DNA2: variants seen among roughly 807,000 people sequenced by gnomAD.
DNA2 encodes DNA replication helicase/nuclease 2.
A neutral mutation model predicts 119.1 loss-of-function variants in DNA2; 101 were observed. The observed-to-expected ratio is 0.85, with a 90% CI of 0.72 to 1.00. DNA2 has a LOEUF of 1.00. DNA2 is among the 50% of genes least tolerant of loss of function. The pLI, the probability that DNA2 is intolerant of heterozygous loss-of-function variation, is 0.00. For missense variants in DNA2, 1,121 were observed against 1,255.5 expected (o/e 0.89, Z 1.62); for synonymous variants, 366 against 424.4 (o/e 0.86, Z 1.69).
rs1342055331 is a variant in DNA2, at chr10:68,419,109, A to G, written c.2892T>C (p.Asn964=). Residue 964 remains asparagine, a synonymous_variant, in exon 19 of 21, where the codon AAT becomes AAC. Coordinates refer to ENST00000358410, the MANE Select transcript of DNA2 (RefSeq NM_001080449.3). ...CCCTTCCTTGGTATTTGTCTACTGTATTAACTTCGACCATCCCAATAGAAC... is the reference window on the plus strand; with the variant it reads ...CCCTTCCTTGGTATTTGTCTACTGTGTTAACTTCGACCATCCCAATAGAAC... ...LARSIGMVEV[N]TVDKYQGRDK... 1 of 1,613,416 alleles carries G rather than the reference A, an allele frequency of 6.2e-7. No individual in the cohort carries two copies. Among genetic ancestry groups the G allele is most frequent in the Non-Finnish European group, 8.5e-7 (1 of 1,179,678 alleles).
rs1356549833 is a variant in DNA2, at chr10:68,470,108, C to A, written c.130G>T (p.Asp44Tyr). 1 of 1,613,288 alleles carries A rather than the reference C, an allele frequency of 6.2e-7. No homozygotes were observed. The highest frequency in any genetic ancestry group is 8.5e-7 in the Non-Finnish European group (1 of 1,179,788). ...FPRTVLSTGM[D>Y]NRYLVLAVNT... ...ACTGCCAACACCAGGTACCGGTTAT[C>A]CATTCCTGTGCTCAGAACTGTTCTT... Residue 44 changes from aspartate to tyrosine, a missense_variant, in exon 2 of 21, where the codon GAT (aspartate) becomes TAT (tyrosine). Coordinates refer to ENST00000358410, the MANE Select transcript of DNA2 (RefSeq NM_001080449.3).
At chr10:68,453,888 A>G (rs2052151248) in intron 5 of DNA2, among the ~76,000 whole-genome samples, 1 of 152,236 alleles carries the variant, frequency 6.6e-6, no homozygotes, top group African/African-American at 2.4e-5. Context: ...TCATTAAGCT[A>G]GCATGAGTGC....
chr10:68,445,187 G>A (rs1466455567), intron 7 of DNA2, 104 bp from the exon 8 acceptor site: 64 of 1,067,868 alleles, frequency 6.0e-5, no homozygotes, highest in South Asian at 2.0e-4. Flanking sequence ...TTTTAGGGCC[G>A]GGCACAATGG....
chr10:68,442,843 T>C (rs2051987707), intron 9 of DNA2, 74 bp downstream of exon 9: 1 of 1,243,338 alleles, frequency 8.0e-7, no homozygotes, highest in Non-Finnish European at 1.1e-6. Flanking sequence ...CTTGTATTTG[T>C]CATAAATTCC....
rs1231481480 is a variant in DNA2 at position 68,442,543 on chromosome 10, C to T, written c.1415+374G>A. Among the ~76,000 whole-genome samples, 7 of 152,204 alleles carry T rather than the reference C, an allele frequency of 4.6e-5. No homozygotes were observed. In the East Asian group the frequency reaches 1.4e-3, roughly 29 times the overall value. On this transcript the variant is annotated intron_variant, in intron 9 of 20. Transcript: ENST00000358410. ...CTGGGATTACAGGCACCCGCCACCA[C>T]GCCCAGCTAATTTTTGTATTTTTAG...
intron 6 of DNA2, among the ~76,000 whole-genome samples, chr10:68,448,982 T>TTTCTCTCTACAACCTCTGCCTCCCTG (rs2052081896): frequency 2.8e-5 from 4 of 144,354 alleles, no homozygotes; most frequent in Admixed American, 6.7e-5. Flanking sequence ...TGTGTGTGTG[T>TTTCTCTCTACAACCTCTGCCTCCCTG]GTGTAGTAGT....
intron 5 of DNA2, 92 bp downstream of exon 5, chr10:68,459,012 C>A: frequency 8.6e-7 from 1 of 1,156,226 alleles, no homozygotes; most frequent in Non-Finnish European, 1.2e-6. Context: ...ATTGTAATTA[C>A]TCAATCTTTA....
intron 8 of DNA2, 52 bp downstream of exon 8, chr10:68,444,869 T>C (rs2133402255): frequency 7.0e-7 from 1 of 1,428,972 alleles, no homozygotes. Context: ...TAAACGTATT[T>C]AGTTGAGTTC....
At chr10:68,433,661 G>A (rs926927175) in intron 10 of DNA2, among the ~76,000 whole-genome samples, 1 of 152,062 alleles carries the variant, frequency 6.6e-6, no homozygotes, top group Non-Finnish European at 1.5e-5. Context: ...CCCTGAGTAG[G>A]TGGGACTACA....
Position 68,422,570 on chromosome 10 carries a change from G to A in DNA2, c.2437C>T (p.Leu813=). ...ACAACAGCACTCTTATTCTGCTCCA[G>A]CCTCTTGAATAAGCTTTCACTCATG... ...LGMSESLFKR[L]EQNKSAVVQL... The change falls in exon 16 of 21, where the codon CTG becomes TTG. Residue 813 remains leucine (L), a synonymous_variant. Transcript: ENST00000358410. 6.2e-7 allele frequency: 1 copy of A among 1,613,952 alleles called. No individual in the cohort carries two copies. The highest frequency in any genetic ancestry group is 1.1e-5 in the South Asian group (1 of 91,082).
intron 17 of DNA2, 145 bp from the exon 18 acceptor site, chr10:68,420,037 T>C (rs2051644633): frequency 1.5e-6 from 1 of 674,296 alleles, no homozygotes; most frequent in African/African-American, 1.8e-5. Context: ...TCAACAAAAA[T>C]GAATATTAAT....
intron 3 of DNA2, 71 bp from the exon 4 acceptor site, chr10:68,465,883 C>T (rs2052321080): frequency 7.0e-6 from 9 of 1,290,158 alleles, no homozygotes; most frequent in African/African-American, 1.5e-5. Flanking sequence ...ATTACCTAAT[C>T]TATTAAACCA....
chr10:68,432,533 C>T (rs1294637302), intron 10 of DNA2, 23 bp from the exon 11 acceptor site: 1 of 1,276,428 alleles, frequency 7.8e-7, no homozygotes, highest in Non-Finnish European at 1.1e-6. Flanking sequence ...AACAAATATA[C>T]ATGAATGCTC....
chr10:68,458,677 T>A (rs2133430164), intron 5 of DNA2, among the ~76,000 whole-genome samples: 1 of 151,878 alleles, frequency 6.6e-6, no homozygotes, highest in South Asian at 2.1e-4. Context: ...GGTGAAACCC[T>A]GTCTCTACTA....
intron 7 of DNA2, 46 bp from the exon 8 acceptor site, chr10:68,445,129 TATC>T: frequency 2.0e-6 from 3 of 1,515,018 alleles, no homozygotes; most frequent in Non-Finnish European, 2.7e-6. Flanking sequence ...AAATAAAGTT[TATC>T]ATGTCTTTTT....
In DNA2 at chr10:68,470,080, T is replaced by C. The variant is rs781613092; in HGVS notation, c.158A>G (p.Asn53Ser). 21 of 1,613,786 alleles carry C rather than the reference T, an allele frequency of 1.3e-5. No homozygotes were observed. In the Admixed American group the frequency reaches 3.2e-4, roughly 24 times the overall value. The stretch of plus-strand genomic sequence containing the variant: ...GTTTCCCTCTTTGTTCTGTACAGTA[T>C]TGACTGCCAACACCAGGTACCGGTT... ...MDNRYLVLAV[N>S]TVQNKEGNCE... The change falls in exon 2 of 21, where the codon AAT (asparagine) becomes AGT (serine). Residue 53 changes from asparagine (N) to serine (S), a missense_variant. Physicochemically the swap from Asn to Ser is conservative, Grantham distance 46 (BLOSUM62 1). Coordinates refer to ENST00000358410, the MANE Select transcript of DNA2 (RefSeq NM_001080449.3).
chr10:68,451,900 A>AT lies in DNA2; in HGVS notation c.720-1654dup, dbSNP rs367731206. Among the ~76,000 whole-genome samples, 815 of 151,496 alleles carry AT rather than the reference A, an allele frequency of 5.4e-3. 8 individuals are homozygous for AT. The highest frequency in any genetic ancestry group is 0.017 in the African/African-American group (720 of 41,268). ...CCACCACACCTGGCCATGGACAGCA[A>AT]TTTTTTTAACAAATGAGAATATTTT... On this transcript the variant is annotated intron_variant, in intron 5 of 20. Coordinates refer to ENST00000358410, the MANE Select transcript of DNA2 (RefSeq NM_001080449.3).
intron 14 of DNA2, among the ~76,000 whole-genome samples, chr10:68,430,040 C>G (rs71475243): frequency 0.12 from 18,702 of 151,446 alleles, 1,353 homozygotes; most frequent in East Asian, 0.25. Flanking sequence ...CCCACCACCA[C>G]GCCCGGCTAA....
In DNA2 at chr10:68,430,450, G is replaced by C. The variant is rs916461338; in HGVS notation, c.2194C>G (p.Leu732Val). Residue 732 changes from leucine (L) to valine (V), a missense_variant, in exon 14 of 21, where the codon CTC becomes GTC. By Grantham distance (32) the Leu-to-Val change is conservative. Coordinates refer to ENST00000358410, the MANE Select transcript of DNA2 (RefSeq NM_001080449.3). ...ATTGTGCTTACTTGACTATTGTAGA[G>C]TTCTTCTAGAAGAGCTAAGGATTTA... is the stretch of plus-strand genomic sequence containing the variant. ...SIKSLALLEE[L>V]YNSQLIVATT... The C allele has an allele frequency of 5.0e-6, 8 of 1,601,090 alleles. No individual in the cohort carries two copies. The highest frequency in any genetic ancestry group is 6.8e-6 in the Non-Finnish European group (8 of 1,172,078).
Sources: allele counts gnomAD v4.1 joint callset (sites outside exome capture counted in the v4.1 genomes callset), GRCh38; gene constraint gnomAD v4.1.1; transcripts MANE v1.5; gene names NCBI Gene and HGNC (gene_info 2026-07-23, HGNC 2026-07-21).